The following UNC79 variants were observed in gnomAD, a reference collection of about 807,000 sequenced individuals.
UNC79 encodes the protein protein unc-79 homolog.
UNC79 carries 37 observed loss-of-function variants against 283.1 expected under a neutral mutation model. That is an observed-to-expected ratio of 0.13 (90% confidence interval 0.10 to 0.17). The LOEUF (loss-of-function observed/expected upper bound fraction) is 0.17, where lower values mean the gene tolerates loss of function less well. Among genes scored for constraint, UNC79 ranks in the 10% least tolerant of loss-of-function variants. The probability of loss-of-function intolerance (pLI) is 1.00; values close to 1 mark genes in which losing one functional copy is unlikely to be tolerated. For synonymous variants in UNC79, 1,107 were observed against 1,200.2 expected, an observed-to-expected ratio of 0.92 and a Z score of 1.61; for missense variants, 2,272 against 3,211.1, an observed-to-expected ratio of 0.71 and a Z score of 7.07.
intron 20 of UNC79, among the ~76,000 whole-genome samples, chr14:93,585,998 G>T (rs12436526): frequency 0.091 from 13,703 of 150,676 alleles, 1,478 homozygotes; most frequent in African/African-American, 0.26. Context: ...TTCTCTTGCC[G>T]CAGCCCCCAA....
At chr14:93,490,291 A>G (rs1566992170) in intron 5 of UNC79, among the ~76,000 whole-genome samples, 1 of 152,100 alleles carries the variant, frequency 6.6e-6, no homozygotes, top group Non-Finnish European at 1.5e-5. Flanking sequence ...TCACTTGGCT[A>G]CACTCTCCCC....
intron 7 of UNC79, among the ~76,000 whole-genome samples, chr14:93,505,503 A>G (rs931033215): frequency 6.6e-6 from 1 of 152,112 alleles, no homozygotes; most frequent in Non-Finnish European, 1.5e-5. Context: ...TTTGCATGGT[A>G]TAACTTTTCC....
intron 14 of UNC79, among the ~76,000 whole-genome samples, chr14:93,560,307 C>T (rs11847535): frequency 0.86 from 131,176 of 151,804 alleles, 56,756 homozygotes; most frequent in East Asian, 0.94. Flanking sequence ...CAGGCCAGAT[C>T]GATTTAGGTA....
intron 1 of UNC79, among the ~76,000 whole-genome samples, chr14:93,442,182 T>C (rs1370291011): frequency 6.6e-6 from 1 of 152,160 alleles, no homozygotes; most frequent in Non-Finnish European, 1.5e-5. Flanking sequence ...TGTTGGGTCA[T>C]GCTGAAATGA....
chr14:93,411,968 A>G (rs2140050552), intron 1 of UNC79, among the ~76,000 whole-genome samples: 1 of 152,366 alleles, frequency 6.6e-6, no homozygotes, highest in South Asian at 2.1e-4. Flanking sequence ...CCAGTCCTGG[A>G]GAAGCAAAGA....
At chr14:93,497,206 C>G in exon 7 of UNC79, 1 of 1,613,642 alleles carries the variant, frequency 6.2e-7, no homozygotes, top group Non-Finnish European at 8.5e-7. Context: ...AAGCCTCCAG[C>G]TGTGCAAATG....
At chr14:93,699,859 A>G (rs2075401613) in intron 47 of UNC79, among the ~76,000 whole-genome samples, 1 of 152,136 alleles carries the variant, frequency 6.6e-6, no homozygotes, top group Non-Finnish European at 1.5e-5. Context: ...CCATATTTAT[A>G]TTTGCCATTT....
intron 22 of UNC79, among the ~76,000 whole-genome samples, chr14:93,590,806 T>TG (rs2064613600): frequency 1.3e-5 from 2 of 152,212 alleles, no homozygotes; most frequent in African/African-American, 4.8e-5. Context: ...GGAAATGGTT[T>TG]TCTAGCTGGG....
At chr14:93,390,504 G>A (rs771123184) in intron 1 of UNC79, among the ~76,000 whole-genome samples, 1 of 151,998 alleles carries the variant, frequency 6.6e-6, no homozygotes, top group Non-Finnish European at 1.5e-5. Flanking sequence ...AATACAAATT[G>A]GAAATGAGTA....
Position 93,599,259 on chromosome 14 carries a change from G to T in UNC79, c.3373-1310G>T, listed in dbSNP as rs77186041. ...CTCATTTTATGGATAGAGATGCTGA[G>T]AGTTAGAAAGGTTAAGCCACCTTTT... On this transcript the variant is annotated intron_variant, in intron 24 of 48. Transcript: ENST00000555664. Among the ~76,000 whole-genome samples, 14 of 152,294 alleles carry T rather than the reference G, an allele frequency of 9.2e-5. No homozygotes were observed. The East Asian group carries it at 2.3e-3, about 25-fold the overall frequency.
chr14:93,667,036 T>G (rs1215138390), intron 40 of UNC79, among the ~76,000 whole-genome samples: 1 of 151,790 alleles, frequency 6.6e-6, no homozygotes, highest in Admixed American at 6.6e-5. Context: ...CCCAGGAGTT[T>G]GAGGCTGCCA....
intron 27 of UNC79, among the ~76,000 whole-genome samples, chr14:93,615,066 C>T (rs2066599303): frequency 6.6e-6 from 1 of 152,312 alleles, no homozygotes; most frequent in East Asian, 1.9e-4. Flanking sequence ...TGAATTTCAG[C>T]TCCACCTCTG....
At chr14:93,544,467 T>C (rs2061510446) in intron 14 of UNC79, among the ~76,000 whole-genome samples, 1 of 152,234 alleles carries the variant, frequency 6.6e-6, no homozygotes, top group South Asian at 2.1e-4. Flanking sequence ...CTCTGGAGAC[T>C]CTGCTAGAGT....
intron 1 of UNC79, among the ~76,000 whole-genome samples, chr14:93,421,060 TCAAAC>T (rs999537126): frequency 8.6e-5 from 13 of 150,810 alleles, no homozygotes; most frequent in African/African-American, 3.2e-4. Context: ...AAAATCAAGA[TCAAAC>T]CAAACCCAAA....
chr14:93,493,891 A>AT lies in UNC79; in HGVS notation c.713-2519dup, dbSNP rs1566998219. Among the ~76,000 whole-genome samples, 26 of 64,192 alleles carry AT rather than the reference A, an allele frequency of 4.1e-4. 1 individual carries two copies. The highest frequency in any genetic ancestry group is 6.5e-4 in the South Asian group (1 of 1,546). The allele number at this position is 64,192 out of a possible 152,430, so 42.1% of individuals were successfully genotyped here. ...AAGTGCCACATATATATATATATAT[A>AT]TATATATATATTTTTTTTTTTTTTT... On this transcript the variant is annotated intron_variant, in intron 5 of 48. Coordinates refer to ENST00000555664, the Ensembl canonical transcript of UNC79.
At chr14:93,487,506 A>G (rs1042730693) in intron 4 of UNC79, among the ~76,000 whole-genome samples, 157 bp from the exon 5 acceptor site, 1 of 152,144 alleles carries the variant, frequency 6.6e-6, no homozygotes, top group Non-Finnish European at 1.5e-5. Flanking sequence ...TTTGTATGCC[A>G]GGACACATTT....
At chr14:93,589,398 A>C (rs1376406645) in intron 22 of UNC79, among the ~76,000 whole-genome samples, 4 of 152,042 alleles carry the variant, frequency 2.6e-5, no homozygotes, top group African/African-American at 9.7e-5. Flanking sequence ...AAGAGTATGG[A>C]AAAGAGGGCA....
chr14:93,527,737 A>G (rs1213478772), intron 8 of UNC79, among the ~76,000 whole-genome samples: 1 of 152,174 alleles, frequency 6.6e-6, no homozygotes, highest in Non-Finnish European at 1.5e-5. Context: ...TATTTTTTCG[A>G]GGGTAGAAAC....
chr14:93,498,925 A>G (rs1239754582), intron 7 of UNC79, among the ~76,000 whole-genome samples: 1 of 152,162 alleles, frequency 6.6e-6, no homozygotes, highest in African/African-American at 2.4e-5. Context: ...TCTCCAAGTT[A>G]TTGTAGGATT....
Sources: allele counts gnomAD v4.1 joint callset (sites outside exome capture counted in the v4.1 genomes callset), GRCh38; gene constraint gnomAD v4.1.1; transcripts MANE v1.5; gene names NCBI Gene and HGNC (gene_info 2026-07-23, HGNC 2026-07-21).